The following MEI1 variants were observed in gnomAD, a reference collection of about 807,000 sequenced individuals.
MEI1 encodes meiotic double-stranded break formation protein 1.
Under a neutral mutation model 146.2 loss-of-function variants are expected in MEI1, and 103 were observed. The ratio of observed to expected loss-of-function variants is 0.70; its 90% CI spans 0.60 to 0.83. The LOEUF (loss-of-function observed/expected upper bound fraction) is 0.83. Among genes scored for constraint, MEI1 ranks in the 40% least tolerant of loss-of-function variants. The probability of loss-of-function intolerance (pLI) is 0.00; values close to 1 mark genes in which losing one functional copy is unlikely to be tolerated. For missense variants in MEI1, 1,529 were observed against 1,533.0 expected (o/e 1.00, Z 0.04); for synonymous variants, 652 against 628.2 (o/e 1.04, Z -0.57).
chr22:41,712,064 G>A (rs1008853845), intron 3 of MEI1, among the ~76,000 whole-genome samples: 3 of 150,872 alleles, frequency 2.0e-5, no homozygotes, highest in Non-Finnish European at 4.4e-5. Context: ...TTAGCCAGGC[G>A]TGGGGGGCGG....
At chr22:41,763,475 C>T (rs1275852429) in intron 19 of MEI1, among the ~76,000 whole-genome samples, 154 bp downstream of exon 19, 1 of 151,922 alleles carries the variant, frequency 6.6e-6, no homozygotes, top group Non-Finnish European at 1.5e-5. Flanking sequence ...AGGATGCAGA[C>T]TCATACAGAG....
chr22:41,775,053 C>T (rs1050351126), intron 20 of MEI1, among the ~76,000 whole-genome samples: 1 of 152,206 alleles, frequency 6.6e-6, no homozygotes, highest in African/African-American at 2.4e-5. Context: ...ACTGGCCCAG[C>T]GCATTAGCCT....
intron 6 of MEI1, among the ~76,000 whole-genome samples, chr22:41,718,909 G>C (rs1313427369): frequency 6.7e-6 from 1 of 150,328 alleles, no homozygotes; most frequent in Non-Finnish European, 1.5e-5. Context: ...GCCTTGCTCT[G>C]TTGCCCAGCT....
Position 41,745,156 on chromosome 22 carries a change from A to AT in MEI1, c.1538+95dup, listed in dbSNP as rs375964175. ...GGTGAAGTTCTAGAGGCAACACTTG[A>AT]TTTCTGATACTCTGCTGTATGGCAA... is the stretch of plus-strand genomic sequence containing the variant. On this transcript the variant is annotated intron_variant, in intron 13 of 30. Transcript: ENST00000401548. 3.3e-4 allele frequency: 289 copies of AT among 886,592 alleles called. 2 individuals carry two copies. The African/African-American group carries it at 4.4e-3, about 14-fold the overall frequency. The allele number at this position is 886,592 out of a possible 1,614,324, so 54.9% of individuals were successfully genotyped here.
At chr22:41,761,706 A>G (rs1349468229) in intron 18 of MEI1, among the ~76,000 whole-genome samples, 1 of 152,214 alleles carries the variant, frequency 6.6e-6, no homozygotes, top group East Asian at 1.9e-4. Flanking sequence ...GTGGTATTTA[A>G]TAGTACCTTT....
intron 4 of MEI1, 72 bp downstream of exon 4, chr22:41,714,147 C>T: frequency 1.4e-6 from 2 of 1,406,938 alleles, no homozygotes; most frequent in Non-Finnish European, 9.8e-7. Context: ...ACCCTTTGAA[C>T]AAATGAGAGA....
intron 30 of MEI1, among the ~76,000 whole-genome samples, chr22:41,798,568 A>T (rs1311178550): frequency 2.1e-5 from 3 of 140,858 alleles, no homozygotes; most frequent in Non-Finnish European, 4.5e-5. Flanking sequence ...ACAGACCAAG[A>T]CTCCGTCTCA....
chr22:41,795,718 C>A lies in MEI1; in HGVS notation c.3667-17C>A. The A allele has an allele frequency of 6.2e-7, 1 of 1,610,744 alleles. No homozygotes were observed. On this transcript the variant is annotated splice_polypyrimidine_tract_variant and intron_variant, in intron 29 of 30. Coordinates refer to ENST00000401548, the MANE Select transcript of MEI1 (RefSeq NM_152513.4). This position sits in a 1 kb window ranked among gnomAD's most constrained non-coding sequence, Gnocchi z 4.2. ...GCACTGAGGAGGCCTGTCTTCCCTG[C>A]CCTCTTCTCCCTGCAGCTCCAGAGC... is the stretch of plus-strand genomic sequence containing the variant.
At chr22:41,780,795 G>T (rs984119003) in intron 22 of MEI1, among the ~76,000 whole-genome samples, 2 of 152,048 alleles carry the variant, frequency 1.3e-5, no homozygotes, top group African/African-American at 4.8e-5. Flanking sequence ...ACATTGCCCA[G>T]GTTGGTCTTG....
chr22:41,745,435 A>T (rs1464576258), intron 13 of MEI1, among the ~76,000 whole-genome samples: 2 of 152,298 alleles, frequency 1.3e-5, no homozygotes, highest in South Asian at 2.1e-4. Flanking sequence ...GCCATGCCTG[A>T]TGCTAGACAG....
At chr22:41,699,920 G>A in intron 1 of MEI1, among the ~76,000 whole-genome samples, 1 of 152,342 alleles carries the variant, frequency 6.6e-6, no homozygotes, top group East Asian at 1.9e-4. Context: ...GCGGGCCTCC[G>A]TGGAGCCCGG....
In MEI1 at chr22:41,785,178, G is replaced by A. The variant is rs188102354; in HGVS notation, c.3345+395G>A. Among the ~76,000 whole-genome samples the A allele has an allele frequency of 1.5e-3, 223 of 151,480 alleles. 1 individual carries two copies. The highest frequency in any genetic ancestry group is 5.2e-3 in the African/African-American group (216 of 41,318). On this transcript the variant is annotated intron_variant, in intron 26 of 30. Coordinates refer to ENST00000401548, the MANE Select transcript of MEI1 (RefSeq NM_152513.4). ...TCTGAATCTCTTGACCTCGTGATCCGCCTGCCTCCGCCTCCCAAAGTGCTG... is the reference window on the plus strand; with the variant it reads ...TCTGAATCTCTTGACCTCGTGATCCACCTGCCTCCGCCTCCCAAAGTGCTG...
intron 20 of MEI1, among the ~76,000 whole-genome samples, chr22:41,773,464 T>C (rs373616756): frequency 1.8e-4 from 27 of 151,280 alleles, no homozygotes; most frequent in African/African-American, 6.6e-4. Context: ...GCTAATTGAA[T>C]TGCCCAAGGT....
chr22:41,750,024 T>C (rs1162898591), intron 15 of MEI1, among the ~76,000 whole-genome samples: 2 of 152,146 alleles, frequency 1.3e-5, no homozygotes, highest in Admixed American at 1.3e-4. Context: ...GATATAGGTA[T>C]AGAAATCTTC....
intron 12 of MEI1, among the ~76,000 whole-genome samples, chr22:41,744,202 GC>G (rs941621431): frequency 2.7e-4 from 41 of 150,248 alleles, no homozygotes; most frequent in African/African-American, 8.8e-4. Flanking sequence ...ACGGAGTCTT[GC>G]TCTGTTGCCC....
At chr22:41,751,702 G>A (rs896564686) in intron 15 of MEI1, among the ~76,000 whole-genome samples, 3 of 151,608 alleles carry the variant, frequency 2.0e-5, no homozygotes, top group African/African-American at 4.9e-5. Flanking sequence ...AACCTGCGAG[G>A]CGGAGGTTAC....
chr22:41,744,316 G>A (rs1402302639), intron 12 of MEI1, among the ~76,000 whole-genome samples: 1 of 151,978 alleles, frequency 6.6e-6, no homozygotes, highest in Admixed American at 6.6e-5. Flanking sequence ...GACTACAGGT[G>A]CCCGCCACCA....
At chr22:41,755,647 G>T (rs187317250) in intron 17 of MEI1, among the ~76,000 whole-genome samples, 79 of 152,190 alleles carry the variant, frequency 5.2e-4, no homozygotes, top group African/African-American at 1.8e-3. Flanking sequence ...TAAACACTGG[G>T]GCTTCTTAAA....
intron 19 of MEI1, 60 bp downstream of exon 19, chr22:41,763,381 T>C: frequency 1.3e-6 from 2 of 1,566,062 alleles, no homozygotes; most frequent in Non-Finnish European, 1.7e-6. Flanking sequence ...TAGTGTTCCC[T>C]GGGAGACCAT....
Sources: allele counts gnomAD v4.1 joint callset (sites outside exome capture counted in the v4.1 genomes callset), GRCh38; gene constraint gnomAD v4.1.1; non-coding constraint Gnocchi (gnomAD v3.1); transcripts MANE v1.5; gene names NCBI Gene and HGNC (gene_info 2026-07-23, HGNC 2026-07-21).